Variants in TAFA1 observed in about 807,000 individuals in gnomAD.
The protein encoded by TAFA1 is chemokine-like protein TAFA-1.
TAFA1 carries 4 observed loss-of-function variants against 18.5 expected under a neutral mutation model. That is an observed-to-expected ratio of 0.22 (90% CI 0.11 to 0.49). TAFA1 has a LOEUF of 0.49. TAFA1 is among the 20% of genes least tolerant of loss of function. The probability of loss-of-function intolerance (pLI) is 0.98; values close to 1 mark genes in which losing one functional copy is unlikely to be tolerated. For synonymous variants in TAFA1, 56 were observed against 55.2 expected, an observed-to-expected ratio of 1.01 and a Z score of -0.06; for missense variants, 147 against 169.0, an observed-to-expected ratio of 0.87 and a Z score of 0.72.
At chr3:68,265,494 C>G (rs572019852) in intron 2 of TAFA1, among the ~76,000 whole-genome samples, 27 of 152,336 alleles carry the variant, frequency 1.8e-4, no homozygotes, top group African/African-American at 6.3e-4. Flanking sequence ...CCACATCACA[C>G]TTGACATTCC....
chr3:68,340,656 T>C (rs570254090), intron 2 of TAFA1, among the ~76,000 whole-genome samples: 2 of 152,296 alleles, frequency 1.3e-5, no homozygotes, highest in African/African-American at 4.8e-5. Flanking sequence ...AGCTCAATCA[T>C]TTCTAGCCTA....
At chr3:68,287,738 A>G (rs2068034479) in intron 2 of TAFA1, among the ~76,000 whole-genome samples, 1 of 152,112 alleles carries the variant, frequency 6.6e-6, no homozygotes, top group African/African-American at 2.4e-5. Flanking sequence ...ATTGCGCACT[A>G]TATAAACTTC....
At chr3:68,048,900 G>T (rs2064430272) in intron 2 of TAFA1, among the ~76,000 whole-genome samples, 1 of 152,102 alleles carries the variant, frequency 6.6e-6, no homozygotes. Context: ...CTTGGCTATT[G>T]TGAATAATGG....
chr3:68,089,979 G>A (rs997680187), intron 2 of TAFA1, among the ~76,000 whole-genome samples: 3 of 152,098 alleles, frequency 2.0e-5, no homozygotes, highest in East Asian at 1.9e-4. Context: ...TCTTAAACAC[G>A]AAGTGAATAT....
intron 2 of TAFA1, among the ~76,000 whole-genome samples, chr3:68,120,201 C>A (rs2065377158): frequency 1.0e-5 from 1 of 95,828 alleles, no homozygotes; most frequent in African/African-American, 4.7e-5. Flanking sequence ...TTCTTTCTTT[C>A]TTTCTTTCTT....
At chr3:68,442,445 C>A (rs1230693349) in intron 3 of TAFA1, among the ~76,000 whole-genome samples, 2 of 152,134 alleles carry the variant, frequency 1.3e-5, no homozygotes, top group African/African-American at 2.4e-5. Context: ...GGGCAGAGCA[C>A]TCATGTGACT....
At chr3:68,069,462 C>T (rs985957951) in intron 2 of TAFA1, among the ~76,000 whole-genome samples, 1 of 152,186 alleles carries the variant, frequency 6.6e-6, no homozygotes, top group Non-Finnish European at 1.5e-5. Context: ...CCTCCCACAA[C>T]ACATGGGACT....
intron 2 of TAFA1, among the ~76,000 whole-genome samples, chr3:68,260,847 G>C (rs1173839959): frequency 6.6e-6 from 1 of 152,044 alleles, no homozygotes. Context: ...TACCATTCAG[G>C]ACATAGGCAT....
At chr3:67,998,571 T>C in the TAFA1 span, among the ~76,000 whole-genome samples, 1 of 152,206 alleles carries the variant, frequency 6.6e-6, no homozygotes, top group African/African-American at 2.4e-5. Flanking sequence ...ACAAGTAATT[T>C]GCTGGAGGAA....
intron 2 of TAFA1, among the ~76,000 whole-genome samples, chr3:68,136,115 A>G (rs913554587): frequency 1.3e-5 from 2 of 152,156 alleles, no homozygotes; most frequent in African/African-American, 4.8e-5. Flanking sequence ...ATTACCAGTC[A>G]AAATTCTTCT....
intron 2 of TAFA1, among the ~76,000 whole-genome samples, chr3:68,075,267 T>C (rs1379903816): frequency 6.6e-6 from 1 of 152,248 alleles, no homozygotes; most frequent in Non-Finnish European, 1.5e-5. Flanking sequence ...TTGAAGCCTG[T>C]GACCTCTGAG....
intron 3 of TAFA1, among the ~76,000 whole-genome samples, chr3:68,536,107 G>T (rs967461288): frequency 6.6e-6 from 1 of 152,106 alleles, no homozygotes; most frequent in Admixed American, 6.6e-5. Flanking sequence ...TCACATAAAA[G>T]TTCTTTTCTT....
chr3:68,338,521 A>G (rs1395540227), intron 2 of TAFA1, among the ~76,000 whole-genome samples: 3 of 152,052 alleles, frequency 2.0e-5, no homozygotes, highest in South Asian at 2.1e-4. Flanking sequence ...TCTGTGTTGA[A>G]CCCTTTATAA....
intron 3 of TAFA1, among the ~76,000 whole-genome samples, chr3:68,495,716 C>G (rs1279284481): frequency 6.6e-6 from 1 of 151,926 alleles, no homozygotes; most frequent in African/African-American, 2.4e-5. Context: ...AGGCATGGCC[C>G]GAGGACAGGT....
intron 3 of TAFA1, among the ~76,000 whole-genome samples, chr3:68,441,044 A>G (rs751815867): frequency 1.3e-5 from 2 of 152,112 alleles, no homozygotes; most frequent in Non-Finnish European, 2.9e-5. Context: ...GTCTGTCGAG[A>G]TATTCTTTCT....
At chr3:68,448,453 T>C (rs910610047) in intron 3 of TAFA1, among the ~76,000 whole-genome samples, 3 of 152,194 alleles carry the variant, frequency 2.0e-5, no homozygotes, top group African/African-American at 7.2e-5. Flanking sequence ...ATGACTCTAT[T>C]AATACGACGA....
At chr3:68,268,514 G>A in intron 2 of TAFA1, among the ~76,000 whole-genome samples, 1 of 151,970 alleles carries the variant, frequency 6.6e-6, no homozygotes, top group East Asian at 1.9e-4. Context: ...TTTTTGATGG[G>A]TATTATCATC....
chr3:68,515,969 G>T (rs1559701440), intron 3 of TAFA1, among the ~76,000 whole-genome samples: 1 of 152,210 alleles, frequency 6.6e-6, no homozygotes, highest in Non-Finnish European at 1.5e-5. Flanking sequence ...AGCATTATTT[G>T]CAGGCTGCAC....
At chr3:68,071,918 C>A (rs956550657) in intron 2 of TAFA1, among the ~76,000 whole-genome samples, 1 of 151,558 alleles carries the variant, frequency 6.6e-6, no homozygotes, top group African/African-American at 2.4e-5. Context: ...GCCCCCATGT[C>A]CCAAACACCT....
Sources: allele counts gnomAD v4.1 joint callset (sites outside exome capture counted in the v4.1 genomes callset), GRCh38; gene constraint gnomAD v4.1.1; transcripts MANE v1.5; gene names NCBI Gene and HGNC (gene_info 2026-07-23, HGNC 2026-07-21).